Variants in TSPAN18 observed in about 807,000 individuals in gnomAD.
TSPAN18 encodes the protein tetraspanin 18.
TSPAN18 carries 14 observed loss-of-function variants against 27.3 expected under a neutral mutation model. The observed-to-expected ratio is 0.51, with a 90% CI of 0.34 to 0.80. The LOEUF is 0.80. Ranked by LOEUF, TSPAN18 falls within the 30% of genes least tolerant of loss-of-function variation. The pLI is 0.01. For synonymous variants in TSPAN18, 143 were observed against 136.5 expected (o/e 1.05, Z -0.33); for missense variants, 268 against 323.9 (o/e 0.83, Z 1.32).
chr11:44,790,453 ATG>A (rs1365691724), intron 2 of TSPAN18, among the ~76,000 whole-genome samples: 1 of 138,314 alleles, frequency 7.2e-6, no homozygotes, highest in African/African-American at 2.8e-5. Flanking sequence ...TCGTGTGTGC[ATG>A]TGTGTATGCA....
At chr11:44,854,204 G>GT (rs1554992224) in intron 2 of TSPAN18, among the ~76,000 whole-genome samples, 1 of 137,542 alleles carries the variant, frequency 7.3e-6, no homozygotes, top group Admixed American at 7.1e-5. Flanking sequence ...AGGGGGTGGG[G>GT]GGGGGGGTTT....
intron 2 of TSPAN18, among the ~76,000 whole-genome samples, chr11:44,816,293 G>A (rs1247281148): frequency 6.6e-6 from 1 of 152,230 alleles, no homozygotes; most frequent in African/African-American, 2.4e-5. Context: ...GCAGTTGCAT[G>A]TGTGCCACAC....
chr11:44,866,212 T>C (rs1395856906), intron 3 of TSPAN18, among the ~76,000 whole-genome samples: 1 of 152,240 alleles, frequency 6.6e-6, no homozygotes, highest in Non-Finnish European at 1.5e-5. Context: ...CAGCACATCA[T>C]CGGTGCTAAA....
At chr11:44,925,540 C>T (rs145784684) in intron 8 of TSPAN18, among the ~76,000 whole-genome samples, 99 of 152,338 alleles carry the variant, frequency 6.5e-4, no homozygotes, top group African/African-American at 2.2e-3. Flanking sequence ...TGCCTGGGTG[C>T]AGCCTCAGTC....
chr11:44,745,053 G>C (rs1336516282), intron 1 of TSPAN18, among the ~76,000 whole-genome samples: 2 of 152,180 alleles, frequency 1.3e-5, no homozygotes, highest in Admixed American at 6.5e-5. Flanking sequence ...GCTGGGTATA[G>C]AGCATAGGGA....
intron 3 of TSPAN18, among the ~76,000 whole-genome samples, chr11:44,895,906 T>C (rs1590646788): frequency 6.6e-6 from 1 of 152,094 alleles, no homozygotes; most frequent in East Asian, 1.9e-4. Flanking sequence ...GGGCATGGGG[T>C]GCAGGCCCTG....
Position 44,876,195 on chromosome 11 carries a change from G to A in TSPAN18, c.-11+15726G>A, listed in dbSNP as rs1042411355. On this transcript the variant is annotated intron_variant, in intron 3 of 9. Transcript: ENST00000520358. ...CCCATACCTCAGTGACCTGTGCCCC[G>A]GGGACTGGGAGAAGATCACCCTGGC... 4.6e-5 allele frequency among the ~76,000 whole-genome samples: 7 copies of A among 152,156 alleles called. No homozygotes were observed. In the East Asian group the frequency reaches 9.6e-4, roughly 21 times the overall value.
At chr11:44,739,938 T>A (rs1182754664) in intron 1 of TSPAN18, among the ~76,000 whole-genome samples, 1 of 152,176 alleles carries the variant, frequency 6.6e-6, no homozygotes, top group Admixed American at 6.5e-5. Context: ...CCTTTTGGGA[T>A]GGGTGCCTGG....
chr11:44,931,122 C>A lies in TSPAN18; in HGVS notation c.*1944C>A, dbSNP rs1590714589. The A allele has an allele frequency of 2.8e-6, 1 of 359,904 alleles. No homozygotes were observed. Among genetic ancestry groups the A allele is most frequent in the Non-Finnish European group, 5.5e-6 (1 of 180,972 alleles). The allele number at this position is 359,904 out of a possible 1,614,324, so 22.3% of individuals were successfully genotyped here. On this transcript the variant is annotated 3_prime_UTR_variant, in exon 10 of 10. Transcript: ENST00000520358. Reference sequence around the variant, plus strand: ...CACCAGGTCTCTGAGCTCAGTGTTACCAAATTCGCCCTTTAACAGCTTGCT... The same window carrying A: ...CACCAGGTCTCTGAGCTCAGTGTTAACAAATTCGCCCTTTAACAGCTTGCT...
intron 4 of TSPAN18, among the ~76,000 whole-genome samples, chr11:44,908,369 G>A (rs909272584): frequency 6.6e-5 from 10 of 152,074 alleles, no homozygotes; most frequent in Non-Finnish European, 1.2e-4. Context: ...TTTACAGCCC[G>A]CAAATCCCAT....
intron 2 of TSPAN18, among the ~76,000 whole-genome samples, chr11:44,765,965 G>A (rs11821970): frequency 1.6e-3 from 251 of 152,236 alleles, no homozygotes; most frequent in African/African-American, 5.2e-3. Flanking sequence ...GAAGCTCCCC[G>A]CACTGTTTCT....
At chr11:44,925,355 G>A (rs142501907) in intron 8 of TSPAN18, among the ~76,000 whole-genome samples, 64 of 152,340 alleles carry the variant, frequency 4.2e-4, no homozygotes, top group African/African-American at 1.5e-3. Context: ...AGAGTATCAT[G>A]GACCCAGATC....
intron 2 of TSPAN18, among the ~76,000 whole-genome samples, chr11:44,810,584 A>G (rs1590511340): frequency 6.7e-6 from 1 of 149,118 alleles, no homozygotes. Context: ...ATGTTTGAGC[A>G]CCTGTTTTCA....
At chr11:44,844,356 T>A (rs1857437410) in intron 2 of TSPAN18, among the ~76,000 whole-genome samples, 1 of 152,174 alleles carries the variant, frequency 6.6e-6, no homozygotes, top group African/African-American at 2.4e-5. Flanking sequence ...GGCAGGCATT[T>A]CTCTTGGGTG....
intron 1 of TSPAN18, among the ~76,000 whole-genome samples, chr11:44,746,793 A>G (rs778534733): frequency 1.6e-4 from 24 of 152,166 alleles, no homozygotes; most frequent in Non-Finnish European, 3.2e-4. Context: ...CAAGATTATG[A>G]TTAGAAAATA....
At chr11:44,797,224 C>G (rs1283980608) in intron 2 of TSPAN18, among the ~76,000 whole-genome samples, 3 of 152,164 alleles carry the variant, frequency 2.0e-5, no homozygotes, top group Non-Finnish European at 4.4e-5. Context: ...TCTTTCTGCC[C>G]ATTTTACAGA....
At chr11:44,878,518 A>G (rs1447771636) in intron 3 of TSPAN18, among the ~76,000 whole-genome samples, 1 of 152,166 alleles carries the variant, frequency 6.6e-6, no homozygotes, top group African/African-American at 2.4e-5. Flanking sequence ...AGCCTGTGCC[A>G]GGAAATGTTG....
chr11:44,918,159 A>G, intron 6 of TSPAN18, 113 bp downstream of exon 6: 1 of 1,109,570 alleles, frequency 9.0e-7, no homozygotes, highest in Non-Finnish European at 1.3e-6. Flanking sequence ...GCAGCCTCTC[A>G]TCTGGCACTT....
At position 44,838,082 on chromosome 11, in the gene TSPAN18, T is replaced by C. The variant is rs533297133; in HGVS notation, c.-152-22246T>C. On this transcript the variant is annotated intron_variant, in intron 2 of 9. Transcript: ENST00000520358. ...CACATCCCTTACAAAGATGTCCATG[T>C]CCCAATCGCTGGAACCTGTAAATAC... Among the ~76,000 whole-genome samples, 380 of 152,298 alleles carry C rather than the reference T, an allele frequency of 2.5e-3. 2 individuals are homozygous for C. The highest frequency in any genetic ancestry group is 8.8e-3 in the African/African-American group (367 of 41,558).
Sources: gnomAD v4.1 joint callset for allele counts (sites outside exome capture counted in the v4.1 genomes callset) on GRCh38, gnomAD v4.1.1 for gene constraint, MANE v1.5 for transcripts, NCBI Gene and HGNC (gene_info 2026-07-23, HGNC 2026-07-21) for gene names.